Variants in PAXIP1 observed in about 807,000 individuals in gnomAD.
The protein encoded by PAXIP1 is PAX-interacting protein 1.
A neutral mutation model predicts 140.6 loss-of-function variants in PAXIP1; 19 were observed. The observed-to-expected ratio is 0.14, with a 90% confidence interval of 0.09 to 0.20. The LOEUF is 0.20. PAXIP1 is among the 10% of genes least tolerant of loss of function. PAXIP1 has a pLI of 1.00. For synonymous variants in PAXIP1, 442 were observed against 444.6 expected, an observed-to-expected ratio of 0.99 and a Z score of 0.07; for missense variants, 920 against 1,208.6, an observed-to-expected ratio of 0.76 and a Z score of 3.54.
intron 2 of PAXIP1, among the ~76,000 whole-genome samples, chr7:154,995,627 A>C (rs1585087502): frequency 6.6e-6 from 1 of 152,224 alleles, no homozygotes; most frequent in Admixed American, 6.5e-5. Context: ...AGGCGGGCGG[A>C]TCACTTGAGG....
At position 155,002,835 on chromosome 7, in the gene PAXIP1, G is replaced by A. The variant is rs747657006; in HGVS notation, c.81+14C>T. ...GGACGGGGGAGGAGGCCGCGGCAGG[G>A]GCGGGCGCGGTACCTGCGGGTCGAT... On this transcript the variant is annotated intron_variant, in intron 1 of 20. Coordinates refer to ENST00000404141, the MANE Select transcript of PAXIP1 (RefSeq NM_007349.4). 7.5e-7 allele frequency: 1 copy of A among 1,339,194 alleles called. No homozygotes were observed. The highest frequency in any genetic ancestry group is 1.5e-5 in the African/African-American group (1 of 65,098). 83.0% of individuals were successfully genotyped at this position (1,339,194 alleles called of 1,614,324 possible).
intron 5 of PAXIP1, 144 bp from the exon 6 acceptor site, chr7:154,976,475 G>C (rs1020000326): frequency 2.5e-6 from 3 of 1,183,622 alleles, no homozygotes; most frequent in Admixed American, 5.1e-5. Context: ...CAGAAGCAAC[G>C]TTTGATCTTT....
chr7:154,991,139 C>T, intron 3 of PAXIP1, 70 bp from the exon 4 acceptor site: 2 of 718,502 alleles, frequency 2.8e-6, no homozygotes, highest in Non-Finnish European at 4.7e-6. Context: ...ACAGACATTA[C>T]CCACCCACTC....
Position 154,964,007 on chromosome 7 carries a change from G to A in PAXIP1, c.1894-241C>T, listed in dbSNP as rs530748392. ...CCCAGGATACAAGAGAAGAACAATG[G>A]AATGCACTCCAGGGCTTCTCAAGCT... On this transcript the variant is annotated intron_variant, in intron 8 of 20. Transcript: ENST00000404141. 13 of 469,066 alleles carry A rather than the reference G, an allele frequency of 2.8e-5. No individual in the cohort carries two copies. In the East Asian group the frequency reaches 5.1e-4, roughly 19 times the overall value. The allele number at this position is 469,066 out of a possible 1,614,324, so 29.1% of individuals were successfully genotyped here.
chr7:155,002,698 CT>C, intron 1 of PAXIP1, 150 bp downstream of exon 1: 1 of 331,370 alleles, frequency 3.0e-6, no homozygotes. Context: ...GCGGTCGCCC[CT>C]GCCCTCAGCG....
At chr7:154,945,624 A>C (rs866474101) in intron 20 of PAXIP1, 1 of 401,474 alleles carries the variant, frequency 2.5e-6, no homozygotes, top group Non-Finnish European at 3.1e-6. Context: ...AGAGAGGAGG[A>C]GCTCCAGCCT....
intron 5 of PAXIP1, among the ~76,000 whole-genome samples, chr7:154,981,370 C>T (rs1563381829): frequency 6.6e-6 from 1 of 152,096 alleles, no homozygotes; most frequent in Non-Finnish European, 1.5e-5. Context: ...ACACAGTAAG[C>T]ATTAAAATAG....
At position 154,969,553 on chromosome 7, in the gene PAXIP1, A is replaced by C. The variant is rs138291837; in HGVS notation, c.1075-427T>G. ...AGACCCTCTCCTGGCCCAGGAATGC[A>C]CTGAGGAATGACAGGTGGTGAAGGC... On this transcript the variant is annotated intron_variant, in intron 6 of 20. Transcript: ENST00000404141. 1.6e-3 allele frequency among the ~76,000 whole-genome samples: 237 copies of C among 152,342 alleles called. 2 individuals are homozygous for C. Among genetic ancestry groups the C allele is most frequent in the African/African-American group, 5.5e-3 (229 of 41,580 alleles).
At chr7:154,972,285 G>A (rs1024840468) in intron 6 of PAXIP1, among the ~76,000 whole-genome samples, 4 of 152,160 alleles carry the variant, frequency 2.6e-5, no homozygotes, top group African/African-American at 9.7e-5. Context: ...TCAGGAGTTC[G>A]AGACCAGCCT....
At chr7:154,967,730 G>T in intron 8 of PAXIP1, 86 bp downstream of exon 8, 2 of 877,472 alleles carry the variant, frequency 2.3e-6, no homozygotes, top group Non-Finnish European at 3.7e-6. Flanking sequence ...GCAGCTCAGT[G>T]AATGCAGCTA....
Position 154,958,765 on chromosome 7 carries a change from CCT to C in PAXIP1, c.2478+1123_2478+1124del, listed in dbSNP as rs140731320. ...ACAAGAGAAGCTGACATTTGGGGCC[CCT>C]GACAACTTTAGAATATAGGCCATGT... On this transcript the variant is annotated intron_variant, in intron 13 of 20. Coordinates refer to ENST00000404141, the MANE Select transcript of PAXIP1 (RefSeq NM_007349.4). Among the ~76,000 whole-genome samples the C allele has an allele frequency of 3.9e-3, 601 of 152,188 alleles. 4 individuals are homozygous for C. The highest frequency in any genetic ancestry group is 0.013 in the African/African-American group (556 of 41,506).
rs1284257130 is a variant in PAXIP1, at chr7:155,002,981, CCGCCCCCGGCCCCCGCGGCGCCCGG to C, written c.-77_-53del. Reference sequence around the variant, plus strand: ...GGCGGCGCCCGGCCCCGCCCACCCCCCGCCCCCGGCCCCCGCGGCGCCCGGCGCCCCCACTCGCCCCGCCAACGGC... The same window carrying C: ...GGCGGCGCCCGGCCCCGCCCACCCCCCGCCCCCACTCGCCCCGCCAACGGC... On this transcript the variant is annotated 5_prime_UTR_variant, in exon 1 of 21. Transcript: ENST00000404141. The C allele has an allele frequency of 6.4e-5, 51 of 802,590 alleles. No homozygotes were observed. The highest frequency in any genetic ancestry group is 7.4e-5 in the Non-Finnish European group (49 of 661,352). 49.7% of individuals were successfully genotyped at this position (802,590 alleles called of 1,614,324 possible).
At chr7:154,962,691 A>G (rs947025260) in intron 9 of PAXIP1, 2 of 369,490 alleles carry the variant, frequency 5.4e-6, no homozygotes, top group African/African-American at 4.1e-5. Flanking sequence ...AAAGCAACAA[A>G]TTCTACAACA....
At position 154,954,132 on chromosome 7, in the gene PAXIP1, T is replaced by C. The variant is rs1808405364; in HGVS notation, c.2821+123A>G. ...TGGGGATATGAAATAAATTTTTAAA[T>C]TTAAATGAATAACTATCACATAGTT... is the stretch of plus-strand genomic sequence containing the variant. On this transcript the variant is annotated intron_variant, in intron 16 of 20. Coordinates refer to ENST00000404141, the MANE Select transcript of PAXIP1 (RefSeq NM_007349.4). This position sits in a 1 kb window ranked among gnomAD's most constrained non-coding sequence, Gnocchi z 5.1. 4.4e-6 allele frequency: 3 copies of C among 674,886 alleles called. No homozygotes were observed. The highest frequency in any genetic ancestry group is 9.5e-5 in the South Asian group (2 of 21,136). 41.8% of individuals were successfully genotyped at this position (674,886 alleles called of 1,614,324 possible). A position where few individuals can be genotyped will look rare whatever the true frequency, so the allele number is the denominator to read the frequency against.
chr7:154,951,961 T>G (rs1438941004), intron 16 of PAXIP1: 1 of 152,224 alleles, frequency 6.6e-6, no homozygotes, highest in Non-Finnish European at 1.5e-5. Flanking sequence ...GTGTATGCCA[T>G]GCTCCCACAG....
chr7:154,995,868 C>T (rs754887529), intron 2 of PAXIP1, among the ~76,000 whole-genome samples: 2 of 152,130 alleles, frequency 1.3e-5, no homozygotes, highest in African/African-American at 2.4e-5. Context: ...AAGCCCACTA[C>T]AAGTCAGCAA....
chr7:154,958,563 TATTATAGCCTTTATAAGAAAGCA>T (rs1304007974), intron 13 of PAXIP1, among the ~76,000 whole-genome samples: 1 of 152,232 alleles, frequency 6.6e-6, no homozygotes, highest in Non-Finnish European at 1.5e-5. Context: ...ATTACTTTCC[TATTATAGCCTTTATAAGAAAGCA>T]ATTTCTCAAC....
chr7:154,959,032 A>G (rs1808647490), intron 13 of PAXIP1, among the ~76,000 whole-genome samples: 1 of 152,202 alleles, frequency 6.6e-6, no homozygotes, highest in Non-Finnish European at 1.5e-5. Context: ...TTCCTCAGAG[A>G]CGTGGGATGA....
At position 154,986,023 on chromosome 7, in the gene PAXIP1, C is replaced by G. The variant is rs1400923336; in HGVS notation, c.325-2691G>C. On this transcript the variant is annotated intron_variant, in intron 4 of 20. Transcript: ENST00000404141. This position sits in a 1 kb window ranked among gnomAD's most constrained non-coding sequence, Gnocchi z 4.8. ...CCTATTCCCCAAAACCTACCCAGCA[C>G]ATTACAACAGAGGCCTCAGCCTGCA... is the stretch of plus-strand genomic sequence containing the variant. 7.3e-7 allele frequency: 1 copy of G among 1,365,612 alleles called. No homozygotes were observed. The highest frequency in any genetic ancestry group is 4.5e-5 in the East Asian group (1 of 21,982). 84.6% of individuals were successfully genotyped at this position (1,365,612 alleles called of 1,614,324 possible).
Sources: gnomAD v4.1 joint callset for allele counts (sites outside exome capture counted in the v4.1 genomes callset) on GRCh38, gnomAD v4.1.1 for gene constraint, Gnocchi (gnomAD v3.1) non-coding constraint, MANE v1.5 for transcripts, NCBI Gene and HGNC (gene_info 2026-07-23, HGNC 2026-07-21) for gene names.